SCHIP1: variants seen among roughly 807,000 people sequenced by gnomAD.
The protein encoded by SCHIP1 is schwannomin-interacting protein 1.
In SCHIP1, 8 loss-of-function variants were observed where a neutral mutation model predicts 29.7. The ratio of observed to expected loss-of-function variants is 0.27; its 90% CI spans 0.16 to 0.49. The LOEUF is 0.49. Among genes scored for constraint, SCHIP1 ranks in the 20% least tolerant of loss-of-function variants. The pLI is 0.99. For missense variants in SCHIP1, 193 were observed against 294.6 expected (o/e 0.66, Z 2.52); for synonymous variants, 76 against 94.9 (o/e 0.80, Z 1.16).
chr3:159,806,110 A>T, the SCHIP1 span, among the ~76,000 whole-genome samples: 1 of 152,172 alleles, frequency 6.6e-6, no homozygotes, highest in Admixed American at 6.6e-5. Context: ...CGCCTGGCCA[A>T]TTGTATTCCT....
the SCHIP1 span, among the ~76,000 whole-genome samples, chr3:159,688,723 G>T: frequency 6.6e-6 from 1 of 152,102 alleles, no homozygotes; most frequent in African/African-American, 2.4e-5. Flanking sequence ...GGGTTTTTAT[G>T]GTTTTAGGTC....
the SCHIP1 span, among the ~76,000 whole-genome samples, chr3:159,497,286 A>C: frequency 2.0e-5 from 3 of 152,054 alleles, no homozygotes; most frequent in African/African-American, 7.2e-5. Flanking sequence ...TACCAAGGTG[A>C]GTGCATGCTA....
At chr3:159,627,710 G>T in the SCHIP1 span, among the ~76,000 whole-genome samples, 1 of 152,164 alleles carries the variant, frequency 6.6e-6, no homozygotes, top group Non-Finnish European at 1.5e-5. Context: ...AGAACAACTT[G>T]ATAGGCTGAA....
chr3:159,710,721 G>A, the SCHIP1 span, among the ~76,000 whole-genome samples: 1 of 152,076 alleles, frequency 6.6e-6, no homozygotes, highest in South Asian at 2.1e-4. Flanking sequence ...ATGGGTTAAA[G>A]TCTTAAATGT....
chr3:159,479,009 A>G, the SCHIP1 span, among the ~76,000 whole-genome samples: 1 of 152,050 alleles, frequency 6.6e-6, no homozygotes, highest in Non-Finnish European at 1.5e-5. Context: ...GCAAATAGAA[A>G]CCATTTTACT....
intron 1 of SCHIP1, among the ~76,000 whole-genome samples, chr3:159,859,399 T>C (rs1462785444): frequency 6.6e-6 from 1 of 152,220 alleles, no homozygotes; most frequent in East Asian, 1.9e-4. Flanking sequence ...AGCTTCAGAC[T>C]CCTCACACTG....
At chr3:159,537,068 A>G in the SCHIP1 span, among the ~76,000 whole-genome samples, 194 of 152,326 alleles carry the variant, frequency 1.3e-3, 2 homozygotes, top group African/African-American at 4.5e-3. Context: ...CAGTTGTTAA[A>G]CATTTACCAG....
chr3:159,492,921 G>T, the SCHIP1 span, among the ~76,000 whole-genome samples: 1 of 152,224 alleles, frequency 6.6e-6, no homozygotes, highest in East Asian at 1.9e-4. Context: ...AACTCTACAA[G>T]CCAGAAGAGA....
the SCHIP1 span, among the ~76,000 whole-genome samples, chr3:159,457,736 T>C: frequency 6.6e-6 from 1 of 152,152 alleles, no homozygotes; most frequent in Non-Finnish European, 1.5e-5. Flanking sequence ...CTGAACCCCG[T>C]ATATACTATG....
the SCHIP1 span, among the ~76,000 whole-genome samples, chr3:159,284,485 A>G: frequency 6.6e-6 from 1 of 151,794 alleles, no homozygotes; most frequent in Non-Finnish European, 1.5e-5. Context: ...TGTTAACTTT[A>G]GGTGTTTTGT....
At chr3:159,831,512 G>A in the SCHIP1 span, among the ~76,000 whole-genome samples, 1 of 152,108 alleles carries the variant, frequency 6.6e-6, no homozygotes, top group South Asian at 2.1e-4. Flanking sequence ...TTATAAATTA[G>A]GTACAGTAAG....
the SCHIP1 span, among the ~76,000 whole-genome samples, chr3:159,481,546 A>G: frequency 6.6e-6 from 1 of 152,146 alleles, no homozygotes; most frequent in East Asian, 1.9e-4. Context: ...GGAAATTCCA[A>G]TTTTACTAGG....
At chr3:159,500,191 C>T in the SCHIP1 span, among the ~76,000 whole-genome samples, 167 of 151,738 alleles carry the variant, frequency 1.1e-3, no homozygotes, top group Non-Finnish European at 2.2e-3. Context: ...AATAACAATG[C>T]GTATACACGA....
the SCHIP1 span, among the ~76,000 whole-genome samples, chr3:159,514,292 C>T: frequency 6.6e-6 from 1 of 152,198 alleles, no homozygotes; most frequent in Non-Finnish European, 1.5e-5. Context: ...TTCTTCTTTG[C>T]TGATACATTT....
At chr3:159,609,205 G>C in the SCHIP1 span, among the ~76,000 whole-genome samples, 1 of 152,172 alleles carries the variant, frequency 6.6e-6, no homozygotes, top group Admixed American at 6.5e-5. Flanking sequence ...CAAAGGAAGA[G>C]CTATTCTAGT....
chr3:159,423,558 C>T, the SCHIP1 span, among the ~76,000 whole-genome samples: 1 of 152,238 alleles, frequency 6.6e-6, no homozygotes, highest in Non-Finnish European at 1.5e-5. Context: ...AGCTGGGAAG[C>T]TCAAACTGGG....
At chr3:159,840,433 A>G (rs138362814) in intron 1 of SCHIP1, among the ~76,000 whole-genome samples, 48 of 152,348 alleles carry the variant, frequency 3.2e-4, no homozygotes, top group African/African-American at 1.1e-3. Flanking sequence ...TGTGAAATTC[A>G]CGGAGGTGAT....
At chr3:159,570,077 C>T in the SCHIP1 span, among the ~76,000 whole-genome samples, 1 of 152,190 alleles carries the variant, frequency 6.6e-6, no homozygotes. Flanking sequence ...CAAAAATTTT[C>T]TCCCATTCTG....
At chr3:159,764,197 G>A in the SCHIP1 span, 13 of 454,270 alleles carry the variant, frequency 2.9e-5, no homozygotes, top group Non-Finnish European at 5.0e-5. This position sits in a 1 kb window ranked among gnomAD's most constrained non-coding sequence, Gnocchi z 6.1. Flanking sequence ...GCGCGCTGGT[G>A]GCTGGGCACC....
Sources: allele counts gnomAD v4.1 joint callset (sites outside exome capture counted in the v4.1 genomes callset), GRCh38; gene constraint gnomAD v4.1.1; non-coding constraint Gnocchi (gnomAD v3.1); transcripts MANE v1.5; gene names NCBI Gene and HGNC (gene_info 2026-07-23, HGNC 2026-07-21).